CADM2: variants seen among roughly 807,000 people sequenced by gnomAD.
CADM2 encodes cell adhesion molecule 2, also known as immunoglobulin superfamily member 4D.
In CADM2, 12 loss-of-function variants were observed where a neutral mutation model predicts 49.8. The ratio of observed to expected loss-of-function variants is 0.24; its 90% CI spans 0.15 to 0.39. The LOEUF (loss-of-function observed/expected upper bound fraction) is 0.39, where lower values mean the gene tolerates loss of function less well. Ranked by LOEUF, CADM2 falls within the 10% of genes least tolerant of loss-of-function variation. CADM2 has a pLI of 1.00. For missense variants in CADM2, 378 were observed against 492.3 expected (o/e 0.77, Z 2.20); for synonymous variants, 214 against 175.4 (o/e 1.22, Z -1.74).
intron 1 of CADM2, among the ~76,000 whole-genome samples, chr3:85,472,829 T>C (rs1043140671): frequency 1.3e-5 from 2 of 151,992 alleles, no homozygotes; most frequent in African/African-American, 4.8e-5. Flanking sequence ...TTAAAGACAT[T>C]AAGTAATTGA....
chr3:85,285,204 A>T (rs1219989040), intron 1 of CADM2, among the ~76,000 whole-genome samples: 2 of 152,130 alleles, frequency 1.3e-5, no homozygotes, highest in Non-Finnish European at 2.9e-5. Flanking sequence ...TTCCACACCC[A>T]AATGGAAATA....
intron 3 of CADM2, among the ~76,000 whole-genome samples, chr3:85,834,396 A>G (rs1024899301): frequency 2.0e-5 from 3 of 151,774 alleles, no homozygotes; most frequent in South Asian, 2.1e-4. Context: ...AAAACAGGCT[A>G]TAGTGCAACC....
intron 7 of CADM2, 40 bp from the exon 8 acceptor site, chr3:85,961,429 T>C (rs780397687): frequency 3.4e-6 from 5 of 1,458,710 alleles, no homozygotes; most frequent in Non-Finnish European, 2.8e-6. Context: ...ATTTAACATT[T>C]CTTATTTTTG....
chr3:85,088,531 C>T (rs1455752787), intron 1 of CADM2, among the ~76,000 whole-genome samples: 1 of 151,974 alleles, frequency 6.6e-6, no homozygotes, highest in Non-Finnish European at 1.5e-5. Context: ...ATAATATCCT[C>T]AGAATCAAGA....
At chr3:85,010,895 G>T (rs554524831) in intron 1 of CADM2, among the ~76,000 whole-genome samples, 1 of 71,444 alleles carries the variant, frequency 1.4e-5, no homozygotes, top group Non-Finnish European at 2.4e-5. Flanking sequence ...ATGGAGTCTT[G>T]CTCTGTCTCC....
At chr3:85,300,017 G>A (rs376777913) in intron 1 of CADM2, among the ~76,000 whole-genome samples, 3 of 151,932 alleles carry the variant, frequency 2.0e-5, no homozygotes, top group Admixed American at 6.6e-5. Context: ...TCTAAAAATT[G>A]TTATTATTTA....
At chr3:85,710,964 A>G (rs897501288) in intron 1 of CADM2, among the ~76,000 whole-genome samples, 15 of 152,138 alleles carry the variant, frequency 9.9e-5, no homozygotes, top group African/African-American at 3.4e-4. Flanking sequence ...GGCTTAACAT[A>G]GATTCAAATG....
intron 7 of CADM2, among the ~76,000 whole-genome samples, chr3:85,945,654 A>T (rs1023482530): frequency 6.6e-6 from 1 of 152,184 alleles, no homozygotes; most frequent in Non-Finnish European, 1.5e-5. Context: ...AATCCAGCAT[A>T]TAAACAGAAC....
intron 2 of CADM2, among the ~76,000 whole-genome samples, chr3:85,796,641 T>C (rs913356750): frequency 1.3e-5 from 2 of 152,160 alleles, no homozygotes; most frequent in Admixed American, 1.3e-4. Context: ...GCTTGTGTCA[T>C]TTAGGTGTGG....
At chr3:86,044,635 T>C (rs1200674141) in intron 8 of CADM2, among the ~76,000 whole-genome samples, 1 of 152,170 alleles carries the variant, frequency 6.6e-6, no homozygotes, top group Non-Finnish European at 1.5e-5. Flanking sequence ...AGTTCAACCA[T>C]TGTGGAAGTC....
chr3:85,339,801 A>T (rs972062264), intron 1 of CADM2, among the ~76,000 whole-genome samples: 2 of 151,490 alleles, frequency 1.3e-5, no homozygotes, highest in Non-Finnish European at 3.0e-5. Flanking sequence ...GTAAAGAAAA[A>T]ATATACTGAA....
Position 84,959,088 on chromosome 3 carries a change from G to A in CADM2, c.-520G>A. Reference sequence around the variant, plus strand: ...TGCCGCCGCCGCTGCCGCTGCTACCGCCACTAGCGCTGCTTCCACTGCTTC... The same window carrying A: ...TGCCGCCGCCGCTGCCGCTGCTACCACCACTAGCGCTGCTTCCACTGCTTC... On this transcript the variant is annotated 5_prime_UTR_variant, in exon 1 of 10. Transcript: ENST00000383699. 1 of 193,528 alleles carries A rather than the reference G, an allele frequency of 5.2e-6. No individual in the cohort carries two copies. Among genetic ancestry groups the A allele is most frequent in the Non-Finnish European group, 1.0e-5 (1 of 95,952 alleles). 12.0% of individuals were successfully genotyped at this position (193,528 alleles called of 1,614,324 possible). A position where few individuals can be genotyped will look rare whatever the true frequency, so the allele number is the denominator to read the frequency against.
At chr3:85,515,429 T>G (rs887533801) in intron 1 of CADM2, among the ~76,000 whole-genome samples, 40 of 148,930 alleles carry the variant, frequency 2.7e-4, no homozygotes, top group African/African-American at 9.5e-4. Flanking sequence ...TTGTTTCTTT[T>G]TTTTTTTATT....
At chr3:85,574,679 G>A (rs748149947) in intron 1 of CADM2, among the ~76,000 whole-genome samples, 6 of 152,142 alleles carry the variant, frequency 3.9e-5, no homozygotes, top group Non-Finnish European at 7.3e-5. Flanking sequence ...TCTGTAAAAT[G>A]TACAATAGAA....
At chr3:85,985,080 C>T (rs534542137) in intron 8 of CADM2, among the ~76,000 whole-genome samples, 73 of 151,796 alleles carry the variant, frequency 4.8e-4, no homozygotes, top group Non-Finnish European at 6.9e-4. Flanking sequence ...CATTAGTTGC[C>T]TTGGTCTGTT....
At chr3:85,839,653 A>T (rs2074555087) in intron 3 of CADM2, among the ~76,000 whole-genome samples, 1 of 151,768 alleles carries the variant, frequency 6.6e-6, no homozygotes, top group South Asian at 2.1e-4. Flanking sequence ...GGGACTGAAA[A>T]AGGAAAGGCA....
intron 1 of CADM2, among the ~76,000 whole-genome samples, chr3:85,657,780 A>G (rs2065258911): frequency 6.8e-6 from 1 of 147,964 alleles, no homozygotes. Context: ...ATATATACAT[A>G]TACATGTTTT....
At chr3:86,012,501 G>T in intron 8 of CADM2, 1 of 1,100,652 alleles carries the variant, frequency 9.1e-7, no homozygotes, top group Admixed American at 3.5e-5. Flanking sequence ...CGGACCAGCG[G>T]GCGGACTGCC....
At chr3:85,365,182 GTTTTTTTTTTTTTTTAC>G (rs2032664811) in intron 1 of CADM2, among the ~76,000 whole-genome samples, 1 of 100,584 alleles carries the variant, frequency 9.9e-6, no homozygotes, top group Non-Finnish European at 2.0e-5. Flanking sequence ...AATTGGGAGG[GTTTTTTTTTTTTTTTAC>G]TTTTTTTTTT....
Sources: gnomAD v4.1 joint callset for allele counts (sites outside exome capture counted in the v4.1 genomes callset) on GRCh38, gnomAD v4.1.1 for gene constraint, MANE v1.5 for transcripts, NCBI Gene and HGNC (gene_info 2026-07-23, HGNC 2026-07-21) for gene names.